The following CFAP91 variants were observed in gnomAD, a reference collection of about 807,000 sequenced individuals.
CFAP91 encodes the protein cilia and flagella associated protein 91, also known as cilia- and flagella-associated protein 91.
CFAP91 carries 85 observed loss-of-function variants against 95.9 expected under a neutral mutation model. The ratio of observed to expected loss-of-function variants is 0.89; its 90% confidence interval spans 0.74 to 1.06. The LOEUF is 1.06. CFAP91 is among the 50% of genes least tolerant of loss of function. The pLI is 0.00. For missense variants in CFAP91, 962 were observed against 943.4 expected (o/e 1.02, Z -0.26); for synonymous variants, 335 against 327.5 (o/e 1.02, Z -0.25).
chr3:119,708,456 T>A, intron 3 of CFAP91, 135 bp from the exon 4 acceptor site: 1 of 616,388 alleles, frequency 1.6e-6, no homozygotes. Context: ...GGCAGTCAAA[T>A]GCAGGTTATG....
At chr3:119,708,441 T>C (rs1052898218) in intron 3 of CFAP91, 150 bp from the exon 4 acceptor site, 6 of 590,526 alleles carry the variant, frequency 1.0e-5, no homozygotes, top group South Asian at 8.7e-5. Flanking sequence ...TACTCTAAGT[T>C]GTATGGCAGT....
intron 17 of CFAP91, among the ~76,000 whole-genome samples, chr3:119,757,369 T>G (rs1455224008): frequency 2.6e-5 from 4 of 152,026 alleles, no homozygotes; most frequent in Non-Finnish European, 5.9e-5. Flanking sequence ...TTTGGCTGGG[T>G]GCAGTGGCTC....
rs1577203417 is a variant in CFAP91, at chr3:119,715,418, T to C, written c.501-144T>C. 12 of 773,146 alleles carry C rather than the reference T, an allele frequency of 1.6e-5. No individual in the cohort carries two copies. The East Asian group carries it at 3.1e-4, about 20-fold the overall frequency. 47.9% of individuals were successfully genotyped at this position (773,146 alleles called of 1,614,324 possible). A position where few individuals can be genotyped will look rare whatever the true frequency, so the allele number is the denominator to read the frequency against. On this transcript the variant is annotated intron_variant, in intron 5 of 17. Transcript: ENST00000273390. ...AGATTTGTGCGCATAATCCTGGTTA[T>C]AATGGATTCATGATTTTGTACCTGT...
At chr3:119,764,196 G>A (rs1184452611) in intron 17 of CFAP91, among the ~76,000 whole-genome samples, 2 of 152,060 alleles carry the variant, frequency 1.3e-5, no homozygotes, top group African/African-American at 4.8e-5. Context: ...CGGTATTTAT[G>A]ACCTCCAGTG....
intron 6 of CFAP91, among the ~76,000 whole-genome samples, chr3:119,722,151 T>A (rs2053697254): frequency 7.2e-6 from 1 of 138,968 alleles, no homozygotes; most frequent in African/African-American, 2.8e-5. Context: ...TATTCCCACC[T>A]GGGCAACAGA....
At chr3:119,717,358 A>G (rs925113704) in intron 6 of CFAP91, among the ~76,000 whole-genome samples, 1 of 152,190 alleles carries the variant, frequency 6.6e-6, no homozygotes, top group South Asian at 2.1e-4. Flanking sequence ...GCAAAAAACA[A>G]ACAAAAAAAA....
chr3:119,745,216 A>G (rs529095609), intron 14 of CFAP91, among the ~76,000 whole-genome samples: 1 of 152,352 alleles, frequency 6.6e-6, no homozygotes, highest in African/African-American at 2.4e-5. Flanking sequence ...TAATTAAAAT[A>G]TAGTGACTAT....
chr3:119,706,857 T>C lies in CFAP91; in HGVS notation c.173T>C (p.Ile58Thr). Reference protein sequence around the residue: ...SSEKDHTQANIQATLIRSRLR... With the variant: ...SSEKDHTQANTQATLIRSRLR... ...GAGAAAGACCATACACAGGCAAATA[T>C]CCAAGCTACCCTGATTCGCAGCAGA... Residue 58 changes from isoleucine to threonine, a missense_variant, in exon 2 of 18, where the codon ATC becomes ACC. Ile to Thr is a moderately conservative substitution (Grantham distance 89). Transcript: ENST00000273390. 1 of 1,613,270 alleles carries C rather than the reference T, an allele frequency of 6.2e-7. No homozygotes were observed.
chr3:119,738,330 G>GTTTTTTTTTTTT (rs1559761130), intron 11 of CFAP91, among the ~76,000 whole-genome samples: 7 of 23,704 alleles, frequency 3.0e-4, no homozygotes, highest in Admixed American at 1.3e-3. Context: ...TTGACATATT[G>GTTTTTTTTTTTT]TCTTTTTTTT....
At chr3:119,729,849 C>T (rs1426150770) in intron 7 of CFAP91, among the ~76,000 whole-genome samples, 1 of 152,150 alleles carries the variant, frequency 6.6e-6, no homozygotes, top group African/African-American at 2.4e-5. Context: ...ATGCCAGAAC[C>T]GCATTTCCTC....
At chr3:119,716,598 T>A (rs1473800790) in intron 6 of CFAP91, among the ~76,000 whole-genome samples, 1 of 152,212 alleles carries the variant, frequency 6.6e-6, no homozygotes, top group Non-Finnish European at 1.5e-5. Context: ...CACCCATACT[T>A]TTTTTTGAGA....
At position 119,726,177 on chromosome 3, in the gene CFAP91, G is replaced by T. The variant is rs370743963; in HGVS notation, c.689G>T (p.Gly230Val). 4 of 1,609,142 alleles carry T rather than the reference G, an allele frequency of 2.5e-6. No individual in the cohort carries two copies. Among genetic ancestry groups the T allele is most frequent in the South Asian group, 1.1e-5 (1 of 90,312 alleles). ...LTLATLTWGR[G>V]LPAGQAEVEM... ...GTGCTGCTTTATCCTGCAGGTCGGG[G>T]TCTCCCAGCAGGACAAGCTGAGGTG... The change falls in exon 7 of 18, where the codon GGT (glycine) becomes GTT (valine). Residue 230 changes from glycine to valine, a missense_variant. Coordinates refer to ENST00000273390, the MANE Select transcript of CFAP91 (RefSeq NM_033364.4).
At chr3:119,717,998 G>C (rs6796673) in intron 6 of CFAP91, among the ~76,000 whole-genome samples, 41,766 of 151,950 alleles carry the variant, frequency 0.27, 6,147 homozygotes, top group East Asian at 0.43. Flanking sequence ...AGGGTTCTAA[G>C]AATGAATTTA....
At chr3:119,753,623 G>A (rs2054368804) in intron 17 of CFAP91, among the ~76,000 whole-genome samples, 1 of 152,178 alleles carries the variant, frequency 6.6e-6, no homozygotes, top group African/African-American at 2.4e-5. Flanking sequence ...GATAGAAACA[G>A]ACCTAAAAGG....
intron 12 of CFAP91, among the ~76,000 whole-genome samples, 177 bp from the exon 13 acceptor site, chr3:119,740,372 G>A (rs1433332745): frequency 6.6e-6 from 1 of 152,224 alleles, no homozygotes; most frequent in East Asian, 1.9e-4. Flanking sequence ...AGAAGCTGAA[G>A]GCACAGAAAA....
At chr3:119,760,834 A>C (rs185635586) in intron 17 of CFAP91, among the ~76,000 whole-genome samples, 3 of 151,902 alleles carry the variant, frequency 2.0e-5, no homozygotes, top group Non-Finnish European at 3.0e-5. Context: ...AGGCAAATGA[A>C]AATGGAAACA....
At chr3:119,751,172 C>G (rs546986408) in intron 17 of CFAP91, 74 bp downstream of exon 17, 66 of 1,468,380 alleles carry the variant, frequency 4.5e-5, no homozygotes, top group Non-Finnish European at 5.8e-5. Context: ...TTGTGCTGTG[C>G]TCAAACAATC....
At chr3:119,743,928 A>T in intron 13 of CFAP91, 47 bp from the exon 14 acceptor site, 1 of 1,478,252 alleles carries the variant, frequency 6.8e-7, no homozygotes, top group Non-Finnish European at 9.2e-7. Context: ...AATAATCACC[A>T]CTCATAATGG....
At position 119,726,268 on chromosome 3, in the gene CFAP91, C is replaced by T. The variant is rs1577215809; in HGVS notation, c.780C>T (p.Thr260=). Residue 260 remains threonine, a synonymous_variant, in exon 7 of 18, where the codon ACC becomes ACT. Transcript: ENST00000273390. ...WEASLPALSD[T]SQFEKRRKMM... ...CCTCTCTCCCCGCTCTGAGTGACAC[C>T]TCCCAGTTTGAGAAGAGGAGGAAAA... The T allele has an allele frequency of 1.2e-6, 2 of 1,613,910 alleles. No individual in the cohort carries two copies. The highest frequency in any genetic ancestry group is 2.2e-5 in the East Asian group (1 of 44,878).
Sources: gnomAD v4.1 joint callset for allele counts (sites outside exome capture counted in the v4.1 genomes callset) on GRCh38, gnomAD v4.1.1 for gene constraint, MANE v1.5 for transcripts, NCBI Gene and HGNC (gene_info 2026-07-23, HGNC 2026-07-21) for gene names.